IQCJ: variants seen among roughly 807,000 people sequenced by gnomAD.
IQCJ encodes IQ motif containing J.
In IQCJ, 9 loss-of-function variants were observed where a neutral mutation model predicts 11.0. The ratio of observed to expected loss-of-function variants is 0.82; its 90% CI spans 0.49 to 1.43. The LOEUF (loss-of-function observed/expected upper bound fraction) is 1.43, where lower values mean the gene tolerates loss of function less well. Ranked by LOEUF, IQCJ falls within the 40% of genes most tolerant of loss-of-function variation. The pLI is 0.00. For synonymous variants in IQCJ, 55 were observed against 51.3 expected (o/e 1.07, Z -0.31); for missense variants, 146 against 133.2 (o/e 1.10, Z -0.47).
chr3:159,090,231 C>T (rs1220691998), intron 1 of IQCJ, among the ~76,000 whole-genome samples: 4 of 151,354 alleles, frequency 2.6e-5, no homozygotes, highest in East Asian at 1.9e-4. Context: ...TTAGGCTGCT[C>T]GGGGGGTCAG....
intron 1 of IQCJ, among the ~76,000 whole-genome samples, chr3:159,182,281 T>C (rs1048278360): frequency 2.6e-5 from 4 of 151,932 alleles, no homozygotes; most frequent in Non-Finnish European, 2.9e-5. Flanking sequence ...TTACTCACCA[T>C]GGTGGGTAGA....
chr3:159,133,566 T>G (rs1720117284), intron 1 of IQCJ, among the ~76,000 whole-genome samples: 1 of 152,202 alleles, frequency 6.6e-6, no homozygotes, highest in Admixed American at 6.5e-5. Flanking sequence ...ATATTATTTA[T>G]GTCATATGGA....
intron 1 of IQCJ, among the ~76,000 whole-genome samples, chr3:159,107,354 T>C (rs1718328197): frequency 6.6e-6 from 1 of 152,110 alleles, no homozygotes; most frequent in African/African-American, 2.4e-5. Flanking sequence ...AACCAGGAGG[T>C]TGACCTCACC....
chr3:159,091,925 A>T (rs1717339459), intron 1 of IQCJ, among the ~76,000 whole-genome samples: 1 of 151,920 alleles, frequency 6.6e-6, no homozygotes, highest in Non-Finnish European at 1.5e-5. Context: ...GAATAATAGA[A>T]TTAGATAATA....
At chr3:159,184,423 T>C (rs902615933) in intron 1 of IQCJ, among the ~76,000 whole-genome samples, 1 of 152,204 alleles carries the variant, frequency 6.6e-6, no homozygotes, top group Non-Finnish European at 1.5e-5. Context: ...ATAGCTCTTC[T>C]CAATGTCTAA....
At chr3:159,171,068 C>T (rs1040806420) in intron 1 of IQCJ, among the ~76,000 whole-genome samples, 1 of 152,026 alleles carries the variant, frequency 6.6e-6, no homozygotes, top group Non-Finnish European at 1.5e-5. Flanking sequence ...ACTAAAACAT[C>T]CAAACCCCAT....
At position 159,200,325 on chromosome 3, in the gene IQCJ, G is replaced by A. The variant is rs538870086; in HGVS notation, c.10-45518G>A. ...TGACCTTCTGAAGTAGCTGGTGGAG[G>A]AGAAGCAATTAACCACCTTCTAGTG... On this transcript the variant is annotated intron_variant, in intron 1 of 3. Transcript: ENST00000397832. Among the ~76,000 whole-genome samples the A allele has an allele frequency of 2.6e-5, 4 of 152,068 alleles. No individual in the cohort carries two copies. The South Asian group carries it at 8.3e-4, about 32-fold the overall frequency.
At chr3:159,266,070 T>G (rs1192625025), downstream of IQCJ, 4 of 152,254 alleles carry the variant, frequency 2.6e-5, no homozygotes, top group African/African-American at 9.6e-5. Flanking sequence ...ACTTGTTATG[T>G]GCCAGGCACT....
At chr3:159,207,281 A>G (rs1724706468) in intron 1 of IQCJ, among the ~76,000 whole-genome samples, 1 of 152,210 alleles carries the variant, frequency 6.6e-6, no homozygotes. Context: ...CATAGTTAAC[A>G]TTCTATAATT....
At chr3:159,078,941 T>G (rs1716123537) in intron 1 of IQCJ, among the ~76,000 whole-genome samples, 1 of 152,020 alleles carries the variant, frequency 6.6e-6, no homozygotes, top group Admixed American at 6.6e-5. Context: ...TAGCAGAGGG[T>G]CAATAAACAC....
rs191988410 is a variant in IQCJ at position 159,239,873 on chromosome 3, C to G, written c.10-5970C>G. 4.4e-3 allele frequency among the ~76,000 whole-genome samples: 671 copies of G among 152,236 alleles called. 6 individuals are homozygous for G. The highest frequency in any genetic ancestry group is 6.7e-3 in the Non-Finnish European group (456 of 68,018). ...GCTTTATAGGTTTGTAGCCCAGGAG[C>G]AATAGGCTGTATCACATAGCCCAGG... On this transcript the variant is annotated intron_variant, in intron 1 of 3. Coordinates refer to ENST00000397832, the MANE Select transcript of IQCJ (RefSeq NM_001042706.3).
intron 1 of IQCJ, among the ~76,000 whole-genome samples, chr3:159,204,424 G>T (rs889025412): frequency 6.6e-6 from 1 of 152,192 alleles, no homozygotes; most frequent in Non-Finnish European, 1.5e-5. Flanking sequence ...TCTGGCACCT[G>T]GGCTCAGATG....
At chr3:159,090,874 A>C (rs911020691) in intron 1 of IQCJ, among the ~76,000 whole-genome samples, 1 of 151,940 alleles carries the variant, frequency 6.6e-6, no homozygotes, top group African/African-American at 2.4e-5. Flanking sequence ...TCATGTGGAC[A>C]TAACATAAAA....
At chr3:159,152,609 A>G (rs1721296858) in intron 1 of IQCJ, among the ~76,000 whole-genome samples, 1 of 152,124 alleles carries the variant, frequency 6.6e-6, no homozygotes, top group Non-Finnish European at 1.5e-5. Flanking sequence ...GCTTTGCTGT[A>G]TTTTTTGAGA....
intron 3 of IQCJ, among the ~76,000 whole-genome samples, chr3:159,253,732 C>T (rs976756383): frequency 6.6e-6 from 1 of 151,944 alleles, no homozygotes; most frequent in South Asian, 2.1e-4. Flanking sequence ...TGTTTTTTAA[C>T]GTGCAAGGAG....
intron 2 of IQCJ, 94 bp downstream of exon 2, chr3:159,246,001 C>T: frequency 1.0e-6 from 1 of 970,712 alleles, no homozygotes. Context: ...GTAAATTGGA[C>T]AGTTTCTTAT....
intron 1 of IQCJ, among the ~76,000 whole-genome samples, chr3:159,168,452 T>C (rs1212579481): frequency 6.6e-6 from 1 of 152,208 alleles, no homozygotes; most frequent in South Asian, 2.1e-4. Flanking sequence ...AATTTTTATA[T>C]TAAAAATTCA....
intron 1 of IQCJ, among the ~76,000 whole-genome samples, chr3:159,091,263 G>T (rs1717259240): frequency 1.3e-5 from 2 of 151,768 alleles, no homozygotes; most frequent in African/African-American, 4.9e-5. Flanking sequence ...TAGACTGGGT[G>T]CCGTATTAAC....
At position 159,263,133 on chromosome 3, in the gene IQCJ, G is replaced by C; in HGVS notation, c.*402G>C. Reference sequence around the variant, plus strand: ...CAACTTAAATGTCTCCAGGGGCCAGGTAAGTCACCCTCATGACTGAGGTGG... The same window carrying C: ...CAACTTAAATGTCTCCAGGGGCCAGCTAAGTCACCCTCATGACTGAGGTGG... On this transcript the variant is annotated 3_prime_UTR_variant, in exon 4 of 4. Coordinates refer to ENST00000397832, the MANE Select transcript of IQCJ (RefSeq NM_001042706.3). The C allele has an allele frequency of 1.1e-6, 1 of 924,668 alleles. No individual in the cohort carries two copies. Among genetic ancestry groups the C allele is most frequent in the Non-Finnish European group, 1.3e-6 (1 of 773,276 alleles). 57.3% of individuals were successfully genotyped at this position (924,668 alleles called of 1,614,324 possible). A position where few individuals can be genotyped will look rare whatever the true frequency, so the allele number is the denominator to read the frequency against.
Sources: allele counts gnomAD v4.1 joint callset (sites outside exome capture counted in the v4.1 genomes callset), GRCh38; gene constraint gnomAD v4.1.1; transcripts MANE v1.5; gene names NCBI Gene and HGNC (gene_info 2026-07-23, HGNC 2026-07-21).